The following PARN variants were observed in gnomAD, a reference collection of about 807,000 sequenced individuals.
The protein encoded by PARN is poly(A)-specific ribonuclease PARN.
PARN carries 71 observed loss-of-function variants against 102.8 expected under a neutral mutation model. The observed-to-expected ratio is 0.69, with a 90% CI of 0.57 to 0.84. PARN has a LOEUF of 0.84. Among genes scored for constraint, PARN ranks in the 40% least tolerant of loss-of-function variants. The pLI, the probability that PARN is intolerant of heterozygous loss-of-function variation, is 0.00. For missense variants in PARN, 782 were observed against 760.9 expected, an observed-to-expected ratio of 1.03 and a Z score of -0.33; for synonymous variants, 261 against 252.9, an observed-to-expected ratio of 1.03 and a Z score of -0.30.
chr16:14,482,635 T>C lies in PARN; in HGVS notation c.1670+3A>G. On this transcript the variant is annotated splice_donor_region_variant and intron_variant, in intron 22 of 23. Coordinates refer to ENST00000437198, the MANE Select transcript of PARN (RefSeq NM_002582.4). ...TTTTAAATTAACAGCTGAGAGCTCTTACCTATTGTTGCGGTAATAGTGATT... is the reference window on the plus strand; with the variant it reads ...TTTTAAATTAACAGCTGAGAGCTCTCACCTATTGTTGCGGTAATAGTGATT... 6.3e-7 allele frequency: 1 copy of C among 1,592,980 alleles called. No homozygotes were observed. The highest frequency in any genetic ancestry group is 1.1e-5 in the South Asian group (1 of 87,140).
chr16:14,538,512 C>T (rs901108855), intron 21 of PARN, among the ~76,000 whole-genome samples: 1 of 152,120 alleles, frequency 6.6e-6, no homozygotes, highest in South Asian at 2.1e-4. Flanking sequence ...TCAGCCACCA[C>T]GCCTGGCCTT....
intron 18 of PARN, among the ~76,000 whole-genome samples, chr16:14,562,151 A>G (rs1968106187): frequency 6.6e-6 from 1 of 152,132 alleles, no homozygotes; most frequent in South Asian, 2.1e-4. Context: ...AAGAAAAGAA[A>G]AGTACAAAAC....
intron 23 of PARN, among the ~76,000 whole-genome samples, chr16:14,444,386 C>T (rs1159692968): frequency 6.6e-6 from 1 of 151,634 alleles, no homozygotes; most frequent in Non-Finnish European, 1.5e-5. Flanking sequence ...GCAGTGACAG[C>T]TTTACTGTCA....
intron 2 of PARN, among the ~76,000 whole-genome samples, chr16:14,628,562 T>C (rs79641284): frequency 0.011 from 1,712 of 152,340 alleles, 33 homozygotes; most frequent in African/African-American, 0.039. Flanking sequence ...CTTTAAAAGA[T>C]TCCTGTATAA....
chr16:14,538,825 G>A lies in PARN; in HGVS notation c.1480+13196C>T, dbSNP rs180982967. Among the ~76,000 whole-genome samples the A allele has an allele frequency of 6.6e-5, 10 of 152,196 alleles. No individual in the cohort carries two copies. The East Asian group carries it at 1.5e-3, about 24-fold the overall frequency. ...TTTTTACAGCCACTCCCCATCGCTC[G>A]CATTACCACCTAAGCTCCACGTCCT... On this transcript the variant is annotated intron_variant, in intron 21 of 23. Transcript: ENST00000437198.
chr16:14,498,868 G>A lies in PARN; in HGVS notation c.1481-16041C>T, dbSNP rs894908346. 4.6e-5 allele frequency among the ~76,000 whole-genome samples: 7 copies of A among 152,286 alleles called. No homozygotes were observed. The East Asian group carries it at 7.7e-4, about 17-fold the overall frequency. On this transcript the variant is annotated intron_variant, in intron 21 of 23. Transcript: ENST00000437198. Reference sequence around the variant, plus strand: ...TTTTTATTTTCCACATCAATTTTACGCTTTGCCTTGATGAGATGATGTGCT... The same window carrying A: ...TTTTTATTTTCCACATCAATTTTACACTTTGCCTTGATGAGATGATGTGCT...
At chr16:14,454,127 C>T (rs2151565042) in intron 22 of PARN, among the ~76,000 whole-genome samples, 1 of 152,182 alleles carries the variant, frequency 6.6e-6, no homozygotes, top group African/African-American at 2.4e-5. Context: ...TATAAGAGTA[C>T]ATATGATCAT....
At chr16:14,529,554 GC>G (rs1567351225) in intron 21 of PARN, among the ~76,000 whole-genome samples, 1 of 151,970 alleles carries the variant, frequency 6.6e-6, no homozygotes, top group Non-Finnish European at 1.5e-5. Flanking sequence ...AGCCCACTGC[GC>G]CCTATGAAAG....
At chr16:14,589,181 A>AAAATAAATAAAT (rs55852219) in intron 13 of PARN, among the ~76,000 whole-genome samples, 33 of 149,770 alleles carry the variant, frequency 2.2e-4, no homozygotes, top group South Asian at 4.3e-4. Context: ...CTCTGTCTCA[A>AAAATAAATAAAT]AAATAAATAA....
chr16:14,445,794 C>T (rs1175166929), intron 23 of PARN, among the ~76,000 whole-genome samples: 1 of 152,206 alleles, frequency 6.6e-6, no homozygotes, highest in African/African-American at 2.4e-5. Context: ...GAACTCCTGA[C>T]CTCAAGTGAT....
chr16:14,498,205 G>A (rs1376975447), intron 21 of PARN, among the ~76,000 whole-genome samples: 4 of 152,026 alleles, frequency 2.6e-5, no homozygotes, highest in Admixed American at 2.6e-4. Context: ...CGGAGGAGAG[G>A]AGGGGAACTG....
intron 22 of PARN, among the ~76,000 whole-genome samples, chr16:14,447,704 G>A (rs1318079017): frequency 2.6e-5 from 4 of 152,034 alleles, no homozygotes; most frequent in Admixed American, 6.6e-5. Context: ...TTTTCCTTAC[G>A]AAAATGTTCC....
At chr16:14,596,195 TCATTCCATAGCTGAGC>T (rs1970499105) in intron 12 of PARN, among the ~76,000 whole-genome samples, 1 of 152,114 alleles carries the variant, frequency 6.6e-6, no homozygotes, top group South Asian at 2.1e-4. Flanking sequence ...GAGAAGTCAT[TCATTCCATAGCTGAGC>T]CAGAGAAACT....
chr16:14,536,846 G>C (rs1185435913), intron 21 of PARN, among the ~76,000 whole-genome samples: 2 of 152,078 alleles, frequency 1.3e-5, no homozygotes, highest in Non-Finnish European at 2.9e-5. Context: ...AAAACTACTA[G>C]AAGAAAACAT....
chr16:14,520,209 G>A (rs1035516372), intron 21 of PARN, among the ~76,000 whole-genome samples: 1 of 152,198 alleles, frequency 6.6e-6, no homozygotes, highest in Non-Finnish European at 1.5e-5. Flanking sequence ...AAACGAGGGG[G>A]TGAGGGCAGA....
At chr16:14,518,305 A>AG (rs1555490627) in intron 21 of PARN, among the ~76,000 whole-genome samples, 1 of 149,890 alleles carries the variant, frequency 6.7e-6, no homozygotes, top group African/African-American at 2.4e-5. Flanking sequence ...AAAAAAAAAA[A>AG]AAAAAAAAAA....
intron 21 of PARN, among the ~76,000 whole-genome samples, chr16:14,525,388 A>G (rs573739965): frequency 9.2e-5 from 14 of 152,302 alleles, no homozygotes; most frequent in African/African-American, 3.4e-4. Context: ...GCGGTCACAG[A>G]AGGGACAACC....
intron 12 of PARN, among the ~76,000 whole-genome samples, chr16:14,596,076 G>A (rs1001834475): frequency 4.6e-5 from 7 of 152,168 alleles, no homozygotes; most frequent in Non-Finnish European, 8.8e-5. Flanking sequence ...GTTCTGTCCA[G>A]TGAGAGGGCT....
chr16:14,523,431 A>G (rs186261940), intron 21 of PARN, among the ~76,000 whole-genome samples: 153 of 152,344 alleles, frequency 1.0e-3, no homozygotes, highest in African/African-American at 3.4e-3. Flanking sequence ...TAGGCCATAA[A>G]GCAAGACTCA....
Sources: allele counts gnomAD v4.1 joint callset (sites outside exome capture counted in the v4.1 genomes callset), GRCh38; gene constraint gnomAD v4.1.1; transcripts MANE v1.5; gene names NCBI Gene and HGNC (gene_info 2026-07-23, HGNC 2026-07-21).